Variants in NREP observed in about 807,000 individuals in gnomAD.
NREP encodes the protein neuronal regeneration-related protein.
Under a neutral mutation model 8.6 loss-of-function variants are expected in NREP, and 5 were observed. The observed-to-expected ratio is 0.58, with a 90% confidence interval of 0.30 to 1.22. The LOEUF (loss-of-function observed/expected upper bound fraction) is 1.22. NREP is among the 50% of genes most tolerant of loss of function. NREP has a pLI of 0.07. For synonymous variants in NREP, 27 were observed against 28.0 expected (o/e 0.96, Z 0.11); for missense variants, 86 against 82.5 (o/e 1.04, Z -0.17).
chr5:111,826,955 T>C (rs942369811), intron 2 of NREP, among the ~76,000 whole-genome samples: 1 of 152,232 alleles, frequency 6.6e-6, no homozygotes, highest in African/African-American at 2.4e-5. Context: ...TTAATATTTG[T>C]TGGGTTGCCT....
chr5:111,935,152 A>G (rs1192416177), intron 2 of NREP, among the ~76,000 whole-genome samples: 1 of 152,126 alleles, frequency 6.6e-6, no homozygotes, highest in African/African-American at 2.4e-5. Flanking sequence ...GTCTCCTTTG[A>G]TACATTGCAC....
chr5:111,744,945 C>T (rs535271130), intron 2 of NREP, among the ~76,000 whole-genome samples: 2 of 152,186 alleles, frequency 1.3e-5, no homozygotes, highest in East Asian at 1.9e-4. Flanking sequence ...AAACCAAACA[C>T]CACAACTATA....
chr5:111,896,973 CAT>C (rs1348995121), intron 2 of NREP, among the ~76,000 whole-genome samples: 2 of 152,144 alleles, frequency 1.3e-5, no homozygotes, highest in African/African-American at 4.8e-5. Context: ...AGTTTATCAT[CAT>C]ATGTTTCATT....
At chr5:111,852,655 T>C (rs1753338503) in intron 2 of NREP, among the ~76,000 whole-genome samples, 1 of 152,086 alleles carries the variant, frequency 6.6e-6, no homozygotes, top group Non-Finnish European at 1.5e-5. Flanking sequence ...CCCTTTCCAT[T>C]TTTTGTGGGG....
chr5:111,907,722 A>T (rs909917271), intron 2 of NREP, among the ~76,000 whole-genome samples: 1 of 151,974 alleles, frequency 6.6e-6, no homozygotes, highest in African/African-American at 2.4e-5. Context: ...AACCCTCAAG[A>T]CTATATTTGC....
chr5:111,885,190 CAGAG>C (rs1406687272), intron 2 of NREP, among the ~76,000 whole-genome samples: 1 of 151,558 alleles, frequency 6.6e-6, no homozygotes, highest in Non-Finnish European at 1.5e-5. Flanking sequence ...AACAGACAAA[CAGAG>C]AGCCAAATCA....
chr5:111,856,860 G>A (rs1353345625), intron 2 of NREP, among the ~76,000 whole-genome samples: 1 of 151,972 alleles, frequency 6.6e-6, no homozygotes, highest in East Asian at 1.9e-4. Context: ...AAGTTGTATT[G>A]ATTGGTTGGC....
At chr5:111,793,833 A>C (rs543580246) in intron 2 of NREP, among the ~76,000 whole-genome samples, 2 of 152,296 alleles carry the variant, frequency 1.3e-5, no homozygotes, top group South Asian at 4.1e-4. Context: ...CCAAGGCAGG[A>C]AGATACCTTG....
intron 2 of NREP, among the ~76,000 whole-genome samples, chr5:111,894,608 T>G (rs1313720059): frequency 6.6e-6 from 1 of 152,194 alleles, no homozygotes; most frequent in African/African-American, 2.4e-5. Flanking sequence ...TGAAACGTGA[T>G]TCTCCAGTTC....
intron 2 of NREP, among the ~76,000 whole-genome samples, chr5:111,951,112 T>A (rs1457903424): frequency 2.6e-5 from 4 of 152,122 alleles, no homozygotes; most frequent in African/African-American, 9.6e-5. Flanking sequence ...TCTAAAACTT[T>A]AAATAAATTG....
At chr5:111,939,357 G>T (rs1012566708) in intron 2 of NREP, among the ~76,000 whole-genome samples, 1 of 151,992 alleles carries the variant, frequency 6.6e-6, no homozygotes, top group Non-Finnish European at 1.5e-5. Flanking sequence ...GCAGAGCCAG[G>T]ACATCATAAC....
rs1024666715 is a variant in NREP, at chr5:111,957,438, A to G, written c.135+17836T>C. Among the ~76,000 whole-genome samples the G allele has an allele frequency of 2.0e-5, 3 of 151,926 alleles. No homozygotes were observed. In the East Asian group the frequency reaches 5.8e-4, roughly 29 times the overall value. ...AACCACCCCTCCCCAAAGACTCATA[A>G]CCATATAGTTTTATAAAACTTAAAG... On this transcript the variant is annotated intron_variant, in intron 2 of 3. Transcript: ENST00000395634.
intron 2 of NREP, among the ~76,000 whole-genome samples, chr5:111,826,855 T>C (rs988640022): frequency 6.6e-6 from 1 of 152,180 alleles, no homozygotes; most frequent in Non-Finnish European, 1.5e-5. Context: ...TTTTGAGCTT[T>C]TCCCCCATTT....
At chr5:111,850,081 A>C (rs1341309778) in intron 2 of NREP, among the ~76,000 whole-genome samples, 6 of 152,160 alleles carry the variant, frequency 3.9e-5, no homozygotes, top group Non-Finnish European at 5.9e-5. Flanking sequence ...ATGTCATTTG[A>C]CAGTTAATCA....
chr5:111,874,439 G>A (rs1258029902), intron 2 of NREP, among the ~76,000 whole-genome samples: 2 of 152,154 alleles, frequency 1.3e-5, no homozygotes, highest in Non-Finnish European at 2.9e-5. Flanking sequence ...TAAGAAGATA[G>A]TTTTCCACTA....
intron 2 of NREP, among the ~76,000 whole-genome samples, chr5:111,897,327 C>G (rs1340966307): frequency 1.3e-5 from 2 of 152,166 alleles, no homozygotes; most frequent in Non-Finnish European, 2.9e-5. Flanking sequence ...TAATCCAGCA[C>G]TGAAAGAATA....
intron 2 of NREP, among the ~76,000 whole-genome samples, chr5:111,815,173 G>C (rs1249878207): frequency 6.6e-6 from 1 of 152,104 alleles, no homozygotes; most frequent in African/African-American, 2.4e-5. Flanking sequence ...GGCTAAAAGA[G>C]GACTTTCTGC....
At chr5:111,765,524 C>G (rs1159957932) in intron 2 of NREP, among the ~76,000 whole-genome samples, 1 of 152,198 alleles carries the variant, frequency 6.6e-6, no homozygotes, top group Admixed American at 6.5e-5. Flanking sequence ...TAGGTATCAT[C>G]AGTATCCTTA....
intron 1 of NREP, chr5:111,756,052 C>A: frequency 8.0e-7 from 1 of 1,250,264 alleles, no homozygotes; most frequent in Non-Finnish European, 1.0e-6. Context: ...TTGCAGAGTC[C>A]TGGGCTATTC....
Sources: gnomAD v4.1 joint callset for allele counts (sites outside exome capture counted in the v4.1 genomes callset) on GRCh38, gnomAD v4.1.1 for gene constraint, MANE v1.5 for transcripts, NCBI Gene and HGNC (gene_info 2026-07-23, HGNC 2026-07-21) for gene names.